The following AHCYL1 variants were observed in gnomAD, a reference collection of about 807,000 sequenced individuals.
The protein encoded by AHCYL1 is S-adenosylhomocysteine hydrolase-like protein 1.
In AHCYL1, 20 loss-of-function variants were observed where a neutral mutation model predicts 79.3. That is an observed-to-expected ratio of 0.25 (90% confidence interval 0.18 to 0.37). AHCYL1 has a LOEUF of 0.37. AHCYL1 is among the 10% of genes least tolerant of loss of function. The pLI, the probability that AHCYL1 is intolerant of heterozygous loss-of-function variation, is 1.00. For synonymous variants in AHCYL1, 223 were observed against 242.2 expected (o/e 0.92, Z 0.74); for missense variants, 330 against 673.6 (o/e 0.49, Z 5.65).
chr1:110,003,348 TAG>T (rs926068654), intron 1 of AHCYL1, among the ~76,000 whole-genome samples: 1 of 152,142 alleles, frequency 6.6e-6, no homozygotes, highest in Non-Finnish European at 1.5e-5. Context: ...TGTATATATA[TAG>T]AGAGAGAAAA....
At chr1:110,010,122 AT>A (rs761991095) in intron 2 of AHCYL1, among the ~76,000 whole-genome samples, 1 of 152,256 alleles carries the variant, frequency 6.6e-6, no homozygotes, top group Non-Finnish European at 1.5e-5. Context: ...AGAAAAATTA[AT>A]TGTGAAAAAT....
intron 13 of AHCYL1, 188 bp downstream of exon 13, chr1:110,018,838 CTA>C: frequency 1.4e-6 from 1 of 730,588 alleles, no homozygotes; most frequent in Non-Finnish European, 2.3e-6. Context: ...CTAAGTAACA[CTA>C]TTTCCTAACC....
At chr1:110,017,312 C>T (rs1352987730) in intron 9 of AHCYL1, among the ~76,000 whole-genome samples, 183 bp from the exon 10 acceptor site, 2 of 152,144 alleles carry the variant, frequency 1.3e-5, no homozygotes, top group Non-Finnish European at 2.9e-5. Context: ...ACCTCTCTAA[C>T]TGAGGTTCAC....
In AHCYL1 at chr1:110,022,938, A is replaced by C. The variant is rs1651890009; in HGVS notation, c.*1258A>C. The C allele has an allele frequency of 6.6e-6, 1 of 152,656 alleles. No individual in the cohort carries two copies. Among genetic ancestry groups the C allele is most frequent in the African/African-American group, 2.4e-5 (1 of 41,460 alleles). The allele number at this position is 152,656 out of a possible 1,614,324, so 9.5% of individuals were successfully genotyped here. A position where few individuals can be genotyped will look rare whatever the true frequency, so the allele number is the denominator to read the frequency against. On this transcript the variant is annotated 3_prime_UTR_variant, in exon 17 of 17. Transcript: ENST00000369799. ...GATGTGTGAAGAAAGTAGTCAGTAC[A>C]TCCTGGCTCATGCTCTGAAAGAATA...
intron 1 of AHCYL1, among the ~76,000 whole-genome samples, chr1:110,007,137 C>G (rs1254293936): frequency 6.6e-6 from 1 of 152,122 alleles, no homozygotes; most frequent in Non-Finnish European, 1.5e-5. Context: ...TGAAAAACTG[C>G]AAGTGTTATT....
rs558376323 is a variant in AHCYL1 at position 110,007,277 on chromosome 1, T to C, written c.121-1757T>C. ...AGAGTAGCTTCCAAATAGAATAGGC[T>C]GCATATGCCAGCAGCAGGGAGGCTG... On this transcript the variant is annotated intron_variant, in intron 1 of 16. Coordinates refer to ENST00000369799, the MANE Select transcript of AHCYL1 (RefSeq NM_006621.7). Among the ~76,000 whole-genome samples the C allele has an allele frequency of 3.3e-5, 5 of 152,240 alleles. No individual in the cohort carries two copies. The South Asian group carries it at 1.0e-3, about 32-fold the overall frequency.
chr1:109,987,686 T>C (rs1371907131), intron 1 of AHCYL1, among the ~76,000 whole-genome samples: 1 of 152,230 alleles, frequency 6.6e-6, no homozygotes, highest in East Asian at 1.9e-4. Flanking sequence ...AAAGCATAAA[T>C]ATCTAGATTC....
At chr1:110,012,795 G>C (rs1651125579) in intron 4 of AHCYL1, 102 bp from the exon 5 acceptor site, 17 of 812,174 alleles carry the variant, frequency 2.1e-5, no homozygotes, top group African/African-American at 8.6e-5. Flanking sequence ...TGTAGCACCT[G>C]TTGGTGCAGA....
intron 1 of AHCYL1, among the ~76,000 whole-genome samples, chr1:109,998,736 C>G (rs754202101): frequency 2.0e-4 from 31 of 152,150 alleles, no homozygotes; most frequent in Non-Finnish European, 4.0e-4. Context: ...CCTTGGCCTC[C>G]CAAAGTGCTA....
chr1:110,016,705 A>G lies in AHCYL1; in HGVS notation c.938A>G (p.Gln313Arg), dbSNP rs1413100217. ...ACAGATGTGATGTTTGGTGGGAAAC[A>G]AGTGGTGGTGTGTGGCTATGGTGAG... ...RTTDVMFGGKQVVVCGYGEVG... is the reference protein window; with the variant it reads ...RTTDVMFGGKRVVVCGYGEVG... Residue 313 changes from glutamine to arginine, a missense_variant, in exon 9 of 17, where the codon CAA becomes CGA. Gln to Arg is a conservative substitution (Grantham distance 43). Around this residue, in one of 6 missense-constraint regions of AHCYL1, gnomAD observed 119 missense variants for 293.3 expected, o/e 0.41. Coordinates refer to ENST00000369799, the MANE Select transcript of AHCYL1 (RefSeq NM_006621.7). The G allele has an allele frequency of 6.2e-7, 1 of 1,614,160 alleles. No homozygotes were observed. Among genetic ancestry groups the G allele is most frequent in the Non-Finnish European group, 8.5e-7 (1 of 1,180,020 alleles).
chr1:110,017,832 T>G lies in AHCYL1; in HGVS notation c.1053-114T>G. On this transcript the variant is annotated intron_variant, in intron 10 of 16. Coordinates refer to ENST00000369799, the MANE Select transcript of AHCYL1 (RefSeq NM_006621.7). ...GTTTAGCAGAGCTTATCACTCACCA[T>G]TCCTGTGAGGTGGCACTGGATCCAA... 1.1e-5 allele frequency: 12 copies of G among 1,100,016 alleles called. No individual in the cohort carries two copies. In the South Asian group the frequency reaches 1.6e-4, roughly 15 times the overall value. The allele number at this position is 1,100,016 out of a possible 1,614,324, so 68.1% of individuals were successfully genotyped here.
In AHCYL1 at chr1:110,009,148, A is replaced by G. The variant is rs914506406; in HGVS notation, c.232+3A>G. On this transcript the variant is annotated splice_donor_region_variant and intron_variant, in intron 2 of 16. Transcript: ENST00000369799. The stretch of plus-strand genomic sequence containing the variant: ...CTCCACTGACAGCTACAGTTCAGGT[A>G]GGTGTGAATGAACTCCATGTCCTCT... 4 of 1,609,162 alleles carry G rather than the reference A, an allele frequency of 2.5e-6. No homozygotes were observed. In the African/African-American group the frequency reaches 5.3e-5, roughly 22 times the overall value.
intron 1 of AHCYL1, among the ~76,000 whole-genome samples, chr1:110,002,881 A>G (rs961255340): frequency 4.6e-5 from 7 of 152,236 alleles, no homozygotes; most frequent in African/African-American, 1.7e-4. Context: ...ATAAAACCTC[A>G]GAACTGAACT....
intron 1 of AHCYL1, among the ~76,000 whole-genome samples, chr1:110,003,214 GTCA>G (rs1341534311): frequency 6.6e-6 from 1 of 152,144 alleles, no homozygotes; most frequent in Non-Finnish European, 1.5e-5. Flanking sequence ...AGTGTGATAT[GTCA>G]TCATGGTTCT....
chr1:110,017,443 A>G, intron 9 of AHCYL1, 52 bp from the exon 10 acceptor site: 2 of 1,564,810 alleles, frequency 1.3e-6, no homozygotes, highest in Non-Finnish European at 1.8e-6. Flanking sequence ...ACCTACCCTA[A>G]ATATCCATGA....
At chr1:110,001,793 CAAAG>C (rs1650327314) in intron 1 of AHCYL1, among the ~76,000 whole-genome samples, 1 of 151,874 alleles carries the variant, frequency 6.6e-6, no homozygotes, top group African/African-American at 2.4e-5. Context: ...ATGTCAAAAT[CAAAG>C]AGAAAAAAGG....
intron 1 of AHCYL1, among the ~76,000 whole-genome samples, chr1:110,003,313 C>T (rs1204349625): frequency 1.3e-5 from 2 of 151,682 alleles, no homozygotes; most frequent in African/African-American, 4.9e-5. Flanking sequence ...TTTTACAGGA[C>T]CATGTGAAAG....
At position 109,985,430 on chromosome 1, in the gene AHCYL1, C is replaced by A. The variant is rs986242295; in HGVS notation, c.120+258C>A. ...ACAGGGCCAGGCCTTAAATTTGCGA[C>A]TGACTTTTCCTGGATGAAGGGCCTC... is the stretch of plus-strand genomic sequence containing the variant. On this transcript the variant is annotated intron_variant, in intron 1 of 16. Coordinates refer to ENST00000369799, the MANE Select transcript of AHCYL1 (RefSeq NM_006621.7). 19 of 1,190,610 alleles carry A rather than the reference C, an allele frequency of 1.6e-5. No individual in the cohort carries two copies. The African/African-American group carries it at 3.0e-4, about 19-fold the overall frequency. The allele number at this position is 1,190,610 out of a possible 1,614,324, so 73.8% of individuals were successfully genotyped here.
In AHCYL1 at chr1:110,017,593, G is replaced by A; in HGVS notation, c.1052+10G>A. 5.0e-6 allele frequency: 8 copies of A among 1,611,188 alleles called. No individual in the cohort carries two copies. The highest frequency in any genetic ancestry group is 6.8e-6 in the Non-Finnish European group (8 of 1,177,516). On this transcript the variant is annotated intron_variant, in intron 10 of 16. Coordinates refer to ENST00000369799, the MANE Select transcript of AHCYL1 (RefSeq NM_006621.7). ...GTGCTCTGCAGGCCTGGTAAGAACA[G>A]AGTGATAATACTATTAGATTCACTC... is the stretch of plus-strand genomic sequence containing the variant.
Sources: gnomAD v4.1 joint callset for allele counts (sites outside exome capture counted in the v4.1 genomes callset) on GRCh38, gnomAD v4.1.1 for gene constraint, gnomAD v4.1.1 regional missense constraint, MANE v1.5 for transcripts, NCBI Gene and HGNC (gene_info 2026-07-23, HGNC 2026-07-21) for gene names.